Variants in CCDC38 observed in about 807,000 individuals in gnomAD.
CCDC38 encodes the protein coiled-coil domain containing 38, also known as coiled-coil domain-containing protein 38.
In CCDC38, 69 loss-of-function variants were observed where a neutral mutation model predicts 72.8. The ratio of observed to expected loss-of-function variants is 0.95; its 90% CI spans 0.78 to 1.16. The LOEUF (loss-of-function observed/expected upper bound fraction) is 1.16, where lower values mean the gene tolerates loss of function less well. Ranked by LOEUF, CCDC38 falls within the 50% of genes most tolerant of loss-of-function variation. CCDC38 has a pLI of 0.00. For missense variants in CCDC38, 626 were observed against 638.9 expected, an observed-to-expected ratio of 0.98 and a Z score of 0.22; for synonymous variants, 201 against 213.2, an observed-to-expected ratio of 0.94 and a Z score of 0.50.
chr12:95,928,872 C>T (rs1173161533), intron 2 of CCDC38, among the ~76,000 whole-genome samples: 17 of 152,218 alleles, frequency 1.1e-4, no homozygotes, highest in Admixed American at 1.0e-3. Flanking sequence ...GTCAGGGACC[C>T]ACTCGAGGAG....
At chr12:95,880,974 CAT>C (rs2079693684) in intron 11 of CCDC38, among the ~76,000 whole-genome samples, 1 of 152,024 alleles carries the variant, frequency 6.6e-6, no homozygotes, top group African/African-American at 2.4e-5. Flanking sequence ...AAATTTTTTA[CAT>C]GTTTATTTGT....
intron 5 of CCDC38, among the ~76,000 whole-genome samples, chr12:95,906,177 T>G (rs1427109497): frequency 6.6e-6 from 1 of 152,254 alleles, no homozygotes; most frequent in East Asian, 1.9e-4. Flanking sequence ...GTAAATCCTT[T>G]GAGAGGCAGG....
At chr12:95,903,191 T>C (rs1235031474) in intron 5 of CCDC38, among the ~76,000 whole-genome samples, 1 of 152,206 alleles carries the variant, frequency 6.6e-6, no homozygotes, top group African/African-American at 2.4e-5. Context: ...TTTTAGTTTC[T>C]TAATTCTTCA....
At chr12:95,940,680 TG>T in intron 1 of CCDC38, among the ~76,000 whole-genome samples, 1 of 152,270 alleles carries the variant, frequency 6.6e-6, no homozygotes, top group Non-Finnish European at 1.5e-5. Context: ...AGCAATTTTT[TG>T]TTTACCTAAA....
intron 3 of CCDC38, 92 bp from the exon 4 acceptor site, chr12:95,917,386 C>A: frequency 1.8e-6 from 2 of 1,092,402 alleles, no homozygotes; most frequent in Non-Finnish European, 1.3e-6. Context: ...ACATTTGCAA[C>A]AAAAATCTTA....
At chr12:95,924,765 C>A (rs1224534924) in intron 2 of CCDC38, among the ~76,000 whole-genome samples, 2 of 148,848 alleles carry the variant, frequency 1.3e-5, no homozygotes, top group Non-Finnish European at 3.0e-5. Context: ...TATGGCTAGC[C>A]AGTTTTCCCA....
In CCDC38 at chr12:95,867,106, TTTTG is replaced by T. The variant is rs773024274; in HGVS notation, c.1658_1661del (p.Thr553AsnfsTer12). The stretch of plus-strand genomic sequence containing the variant: ...TAAAAAAATATTCTTCCTCTTGTGA[TTTTG>T]TTTTTGTTTCATTGACTAAAGGTAG... On this transcript the variant is annotated frameshift_variant, in exon 16 of 16. Coordinates refer to ENST00000344280, the MANE Select transcript of CCDC38 (RefSeq NM_182496.3). LOFTEE classifies it high-confidence loss of function. The T allele has an allele frequency of 1.1e-5, 18 of 1,601,224 alleles. No individual in the cohort carries two copies. The highest frequency in any genetic ancestry group is 1.5e-5 in the Non-Finnish European group (18 of 1,170,624).
chr12:95,889,755 G>A (rs1157938940), intron 9 of CCDC38, among the ~76,000 whole-genome samples: 1 of 152,180 alleles, frequency 6.6e-6, no homozygotes, highest in Non-Finnish European at 1.5e-5. Flanking sequence ...AAGGAGTGGA[G>A]TGGACCCAGT....
chr12:95,904,564 C>T (rs2079982456), intron 5 of CCDC38, among the ~76,000 whole-genome samples: 1 of 152,226 alleles, frequency 6.6e-6, no homozygotes, highest in African/African-American at 2.4e-5. Flanking sequence ...TGTTCCCTCC[C>T]CATGGAACTA....
intron 2 of CCDC38, among the ~76,000 whole-genome samples, chr12:95,932,607 A>G (rs2080350038): frequency 6.6e-6 from 1 of 152,214 alleles, no homozygotes; most frequent in African/African-American, 2.4e-5. Context: ...GCATAACATA[A>G]TCTTAAAATA....
intron 4 of CCDC38, among the ~76,000 whole-genome samples, chr12:95,912,619 G>A (rs1366955133): frequency 2.6e-5 from 4 of 152,282 alleles, no homozygotes; most frequent in Non-Finnish European, 1.5e-5. Flanking sequence ...GATTTTGAAT[G>A]TTCCCAACAC....
At chr12:95,899,470 T>C (rs2079928115) in intron 5 of CCDC38, among the ~76,000 whole-genome samples, 2 of 152,148 alleles carry the variant, frequency 1.3e-5, no homozygotes, top group African/African-American at 4.8e-5. Flanking sequence ...CAGCTCATTT[T>C]TGTATTTTTA....
intron 4 of CCDC38, among the ~76,000 whole-genome samples, chr12:95,913,395 A>T (rs373014723): frequency 1.2e-4 from 19 of 152,356 alleles, no homozygotes; most frequent in African/African-American, 4.6e-4. Flanking sequence ...TGGGAATGGG[A>T]TCGGATGGGA....
rs1481216165 is a variant in CCDC38, at chr12:95,898,394, G to C, written c.605C>G (p.Ala202Gly). ...ELKKASMEVQ[A>G]VKSEIAKTEF... ...TTGTGCCCACCCTCACCTTTTCACTGCTTGTACCTCCATGCTTGCTTTCTT... is the reference window on the plus strand; with the variant it reads ...TTGTGCCCACCCTCACCTTTTCACTCCTTGTACCTCCATGCTTGCTTTCTT... The change falls in exon 7 of 16, where the codon GCA (alanine) becomes GGA (glycine). Residue 202 changes from alanine (A) to glycine (G), a missense_variant. Transcript: ENST00000344280. 1 of 1,614,176 alleles carries C rather than the reference G, an allele frequency of 6.2e-7. No individual in the cohort carries two copies. The highest frequency in any genetic ancestry group is 2.2e-5 in the East Asian group (1 of 44,884).
At chr12:95,895,341 T>C (rs2079874981) in intron 7 of CCDC38, among the ~76,000 whole-genome samples, 195 bp from the exon 8 acceptor site, 1 of 152,232 alleles carries the variant, frequency 6.6e-6, no homozygotes, top group Admixed American at 6.5e-5. Flanking sequence ...GAATGCTGTT[T>C]AAATAAAACA....
intron 14 of CCDC38, 140 bp downstream of exon 14, chr12:95,872,115 T>A: frequency 1.4e-6 from 1 of 705,946 alleles, no homozygotes; most frequent in Non-Finnish European, 2.5e-6. Flanking sequence ...AATAGCTATA[T>A]GAGGAGAGCA....
intron 7 of CCDC38, among the ~76,000 whole-genome samples, chr12:95,895,950 A>G (rs1290281590): frequency 6.9e-6 from 1 of 145,610 alleles, no homozygotes; most frequent in Non-Finnish European, 1.5e-5. Flanking sequence ...CAGCTACTCA[A>G]GAGGCTGAGG....
At chr12:95,908,307 G>T (rs184921806) in intron 4 of CCDC38, among the ~76,000 whole-genome samples, 1 of 150,222 alleles carries the variant, frequency 6.7e-6, no homozygotes, top group Admixed American at 6.6e-5. Context: ...CCAAAAAATA[G>T]GAAAACCAGT....
chr12:95,917,541 T>C (rs2080158911), intron 3 of CCDC38, among the ~76,000 whole-genome samples: 1 of 152,180 alleles, frequency 6.6e-6, no homozygotes, highest in Non-Finnish European at 1.5e-5. Flanking sequence ...CTCAGCTTCA[T>C]TTTCACAATT....
Sources: gnomAD v4.1 joint callset for allele counts (sites outside exome capture counted in the v4.1 genomes callset) on GRCh38, gnomAD v4.1.1 for gene constraint, MANE v1.5 for transcripts, NCBI Gene and HGNC (gene_info 2026-07-23, HGNC 2026-07-21) for gene names.